The following CLIP2 variants were observed in gnomAD, a reference collection of about 807,000 sequenced individuals.
CLIP2 encodes the protein CAP-Gly domain containing linker protein 2.
A neutral mutation model predicts 111.7 loss-of-function variants in CLIP2; 41 were observed. That is an observed-to-expected ratio of 0.37 (90% CI 0.29 to 0.48). The LOEUF (loss-of-function observed/expected upper bound fraction) is 0.48. CLIP2 is among the 20% of genes least tolerant of loss of function. The pLI, the probability that CLIP2 is intolerant of heterozygous loss-of-function variation, is 0.99. For missense variants in CLIP2, 1,160 were observed against 1,422.1 expected, an observed-to-expected ratio of 0.82 and a Z score of 2.96; for synonymous variants, 660 against 644.2, an observed-to-expected ratio of 1.02 and a Z score of -0.37.
intron 4 of CLIP2, among the ~76,000 whole-genome samples, chr7:74,355,327 G>T (rs1156733262): frequency 6.6e-6 from 1 of 152,056 alleles, no homozygotes; most frequent in African/African-American, 2.4e-5. Flanking sequence ...AGCTGGATGG[G>T]GGCCAGGCAT....
At chr7:74,337,524 A>G (rs938935889) in intron 2 of CLIP2, among the ~76,000 whole-genome samples, 1 of 151,498 alleles carries the variant, frequency 6.6e-6, no homozygotes, top group Non-Finnish European at 1.5e-5. Context: ...GTGGCTTGTA[A>G]TCCTTGAGAA....
intron 3 of CLIP2, among the ~76,000 whole-genome samples, chr7:74,348,815 G>A (rs1458545593): frequency 6.6e-6 from 1 of 150,700 alleles, no homozygotes; most frequent in African/African-American, 2.4e-5. Flanking sequence ...AAAGAATGAG[G>A]GTAGCAAGAG....
Position 74,339,016 on chromosome 7 carries a change from C to T in CLIP2, c.678+12C>T, listed in dbSNP as rs782681886. The T allele has an allele frequency of 3.6e-5, 57 of 1,581,164 alleles. No individual in the cohort carries two copies. The highest frequency in any genetic ancestry group is 1.3e-4 in the African/African-American group (10 of 74,608). On this transcript the variant is annotated intron_variant, in intron 3 of 16. Coordinates refer to ENST00000223398, the MANE Select transcript of CLIP2 (RefSeq NM_003388.5). ...GGGACCGCGTGCTGGTGAGTGCGGGCAGTACTGGGCTCTGGGCCCAGCTTC... is the reference window on the plus strand; with the variant it reads ...GGGACCGCGTGCTGGTGAGTGCGGGTAGTACTGGGCTCTGGGCCCAGCTTC...
At chr7:74,307,559 C>T (rs1334342667) in intron 1 of CLIP2, among the ~76,000 whole-genome samples, 2 of 152,242 alleles carry the variant, frequency 1.3e-5, no homozygotes, top group East Asian at 1.9e-4. Context: ...GGCACCATCT[C>T]GGCTCACCAC....
intron 1 of CLIP2, among the ~76,000 whole-genome samples, chr7:74,300,252 G>C (rs1258215906): frequency 1.3e-5 from 2 of 152,004 alleles, no homozygotes; most frequent in African/African-American, 4.8e-5. Flanking sequence ...CTCCCAAAGT[G>C]CTGGGATTAC....
At chr7:74,366,904 T>G (rs1328656311) in intron 8 of CLIP2, among the ~76,000 whole-genome samples, 1 of 142,672 alleles carries the variant, frequency 7.0e-6, no homozygotes, top group Non-Finnish European at 1.5e-5. Flanking sequence ...AAAAAAGGCC[T>G]GAAATCAAGG....
intron 8 of CLIP2, among the ~76,000 whole-genome samples, chr7:74,368,926 A>G (rs1386466152): frequency 2.6e-5 from 4 of 152,180 alleles, no homozygotes; most frequent in African/African-American, 9.7e-5. Flanking sequence ...TTAAAATGTA[A>G]ATCAGGCCGG....
intron 9 of CLIP2, among the ~76,000 whole-genome samples, chr7:74,374,927 C>A (rs1274184072): frequency 6.6e-6 from 1 of 152,202 alleles, no homozygotes; most frequent in Non-Finnish European, 1.5e-5. Flanking sequence ...GGAGCACCCT[C>A]TTCTGCTTTA....
intron 2 of CLIP2, among the ~76,000 whole-genome samples, chr7:74,324,154 G>T (rs1056064596): frequency 6.6e-6 from 1 of 152,038 alleles, no homozygotes; most frequent in Non-Finnish European, 1.5e-5. Flanking sequence ...CACCATGCCC[G>T]GCTAATTTTG....
intron 1 of CLIP2, among the ~76,000 whole-genome samples, chr7:74,313,173 C>T (rs566835913): frequency 2.0e-5 from 3 of 151,600 alleles, no homozygotes; most frequent in Non-Finnish European, 4.4e-5. Flanking sequence ...TAAACTTAGC[C>T]GGGGCAGGGG....
chr7:74,313,000 A>G (rs1554728717), intron 1 of CLIP2, among the ~76,000 whole-genome samples: 1 of 151,474 alleles, frequency 6.6e-6, no homozygotes, highest in Non-Finnish European at 1.5e-5. Flanking sequence ...TGCAAATGAC[A>G]TTGTCCCTCA....
At chr7:74,347,978 C>A (rs573020) in intron 3 of CLIP2, among the ~76,000 whole-genome samples, 1 of 151,762 alleles carries the variant, frequency 6.6e-6, no homozygotes. Context: ...TCAGGAGTTC[C>A]AGACCAGCCT....
At chr7:74,319,411 G>A (rs1272021398) in intron 2 of CLIP2, among the ~76,000 whole-genome samples, 1 of 152,074 alleles carries the variant, frequency 6.6e-6, no homozygotes, top group Non-Finnish European at 1.5e-5. Context: ...GGGAGGCCGA[G>A]GCATGAGAAT....
At chr7:74,379,061 T>C (rs1208344584) in intron 10 of CLIP2, among the ~76,000 whole-genome samples, 3 of 152,178 alleles carry the variant, frequency 2.0e-5, no homozygotes, top group African/African-American at 7.2e-5. Flanking sequence ...GGTTTGAGGT[T>C]GCTGTGGTTC....
intron 10 of CLIP2, among the ~76,000 whole-genome samples, chr7:74,379,621 G>A (rs963279097): frequency 1.3e-5 from 2 of 151,964 alleles, no homozygotes; most frequent in East Asian, 1.9e-4. Context: ...AAAATTAGCC[G>A]GGCATGGTGG....
chr7:74,360,343 G>C, intron 7 of CLIP2, 65 bp downstream of exon 7: 1 of 1,289,598 alleles, frequency 7.8e-7, no homozygotes, highest in Non-Finnish European at 1.1e-6. Flanking sequence ...AAGAGGGCAG[G>C]CTTGGGAATA....
Position 74,338,472 on chromosome 7 carries a change from C to G in CLIP2, c.146C>G (p.Ser49Cys). 1 of 1,612,920 alleles carries G rather than the reference C, an allele frequency of 6.2e-7. No individual in the cohort carries two copies. The highest frequency in any genetic ancestry group is 8.5e-7 in the Non-Finnish European group (1 of 1,179,798). Residue 49 changes from serine to cysteine, a missense_variant, in exon 3 of 17, where the codon TCT becomes TGT. Ser to Cys is a moderately radical substitution (Grantham distance 112). Transcript: ENST00000223398. This position sits in a 1 kb window ranked among gnomAD's most constrained non-coding sequence, Gnocchi z 4.3. ...GGCTCCCCACTGCACAAACAGTCAT[C>G]TGGACCCTCCTCCTCCCCGGCCGCA... ...KEGSPLHKQS[S>C]GPSSSPAAAA...
chr7:74,366,756 A>T (rs919077653), intron 8 of CLIP2, among the ~76,000 whole-genome samples: 4 of 151,948 alleles, frequency 2.6e-5, no homozygotes, highest in African/African-American at 9.7e-5. Flanking sequence ...GGCGCCTCTA[A>T]TCCCAGCTAC....
intron 11 of CLIP2, among the ~76,000 whole-genome samples, chr7:74,383,684 A>T (rs1267929348): frequency 6.6e-6 from 1 of 152,200 alleles, no homozygotes; most frequent in African/African-American, 2.4e-5. Flanking sequence ...TTTCCAAAAC[A>T]TTCTCATGGG....
Sources: gnomAD v4.1 joint callset for allele counts (sites outside exome capture counted in the v4.1 genomes callset) on GRCh38, gnomAD v4.1.1 for gene constraint, Gnocchi (gnomAD v3.1) non-coding constraint, MANE v1.5 for transcripts, NCBI Gene and HGNC (gene_info 2026-07-23, HGNC 2026-07-21) for gene names.